Variants in MRPL1 observed in about 807,000 individuals in gnomAD.
The protein encoded by MRPL1 is mitochondrial ribosomal protein L1, also known as large ribosomal subunit protein uL1m.
MRPL1 carries 28 observed loss-of-function variants against 38.0 expected under a neutral mutation model. The observed-to-expected ratio is 0.74, with a 90% CI of 0.55 to 1.01. MRPL1 has a LOEUF of 1.01. Among genes scored for constraint, MRPL1 ranks in the 50% least tolerant of loss-of-function variants. The pLI, the probability that MRPL1 is intolerant of heterozygous loss-of-function variation, is 0.00. For synonymous variants in MRPL1, 123 were observed against 126.7 expected, an observed-to-expected ratio of 0.97 and a Z score of 0.20; for missense variants, 358 against 389.8, an observed-to-expected ratio of 0.92 and a Z score of 0.69.
intron 7 of MRPL1, among the ~76,000 whole-genome samples, chr4:77,913,839 G>C (rs973369848): frequency 4.6e-5 from 7 of 152,204 alleles, no homozygotes; most frequent in African/African-American, 1.7e-4. Flanking sequence ...TAATTTTGCT[G>C]AGTGAAAGAA....
chr4:77,940,799 T>C (rs1210849248), intron 7 of MRPL1, among the ~76,000 whole-genome samples: 1 of 152,240 alleles, frequency 6.6e-6, no homozygotes, highest in Non-Finnish European at 1.5e-5. Context: ...TCTATTGAAA[T>C]GATCATGTGA....
intron 6 of MRPL1, among the ~76,000 whole-genome samples, chr4:77,905,171 A>T (rs1006242516): frequency 1.2e-4 from 18 of 152,274 alleles, no homozygotes; most frequent in African/African-American, 4.3e-4. Flanking sequence ...TTTTTAAAAA[A>T]GGGGCAAAAT....
At chr4:77,926,020 A>G (rs1736705017) in intron 7 of MRPL1, among the ~76,000 whole-genome samples, 1 of 152,168 alleles carries the variant, frequency 6.6e-6, no homozygotes, top group African/African-American at 2.4e-5. Context: ...GAAAATTCCA[A>G]CTCTTAAATC....
chr4:77,930,181 C>G (rs546006193), intron 7 of MRPL1, among the ~76,000 whole-genome samples: 1 of 152,204 alleles, frequency 6.6e-6, no homozygotes, highest in Non-Finnish European at 1.5e-5. Flanking sequence ...CAGGAGAAAC[C>G]GTCCAGTTAT....
intron 1 of MRPL1, among the ~76,000 whole-genome samples, chr4:77,867,958 G>T (rs566553938): frequency 6.6e-6 from 1 of 151,402 alleles, no homozygotes; most frequent in East Asian, 2.0e-4. Flanking sequence ...GGGTTTCACC[G>T]TGTTAGCCAG....
At chr4:77,868,220 G>A (rs1735200112) in intron 1 of MRPL1, among the ~76,000 whole-genome samples, 1 of 151,476 alleles carries the variant, frequency 6.6e-6, no homozygotes, top group Non-Finnish European at 1.5e-5. Context: ...GTGTCACCAT[G>A]CCCAGCTAAC....
chr4:77,922,403 G>A (rs527875558), intron 7 of MRPL1, among the ~76,000 whole-genome samples: 4 of 152,174 alleles, frequency 2.6e-5, no homozygotes, highest in Non-Finnish European at 4.4e-5. Context: ...GTCATAGTAA[G>A]GCTACTGTCT....
intron 6 of MRPL1, chr4:77,907,277 C>T (rs1736178282): frequency 3.3e-6 from 2 of 611,706 alleles, no homozygotes; most frequent in Non-Finnish European, 4.1e-6. Flanking sequence ...ATGATAATGA[C>T]TAAATCTTAG....
intron 1 of MRPL1, among the ~76,000 whole-genome samples, chr4:77,866,166 C>T (rs192086352): frequency 6.2e-4 from 95 of 152,294 alleles, no homozygotes; most frequent in Admixed American, 5.4e-3. Context: ...ATTCTGTAGT[C>T]TCAGCCTCCC....
chr4:77,928,882 A>G (rs1215397495), intron 7 of MRPL1, among the ~76,000 whole-genome samples: 2 of 152,190 alleles, frequency 1.3e-5, no homozygotes, highest in East Asian at 3.8e-4. Context: ...AGTTTTGGAA[A>G]TTCAAAGTGT....
chr4:77,891,410 C>T (rs2110239359), intron 5 of MRPL1, among the ~76,000 whole-genome samples: 1 of 149,004 alleles, frequency 6.7e-6, no homozygotes, highest in South Asian at 2.1e-4. Context: ...GGCTGGAGTG[C>T]AGTGACGTGA....
chr4:77,948,609 G>C (rs1463467431), intron 7 of MRPL1, among the ~76,000 whole-genome samples: 1 of 152,132 alleles, frequency 6.6e-6, no homozygotes, highest in East Asian at 1.9e-4. Context: ...ATGATAAAAG[G>C]ATTTTTTAAG....
At chr4:77,935,492 C>G (rs1225460294) in intron 7 of MRPL1, among the ~76,000 whole-genome samples, 1 of 151,958 alleles carries the variant, frequency 6.6e-6, no homozygotes, top group Non-Finnish European at 1.5e-5. Flanking sequence ...CTCCCGGATT[C>G]AAGCAATTCT....
chr4:77,903,206 A>G (rs1189227492), intron 6 of MRPL1, among the ~76,000 whole-genome samples: 1 of 152,226 alleles, frequency 6.6e-6, no homozygotes, highest in Admixed American at 6.5e-5. Flanking sequence ...AATTGGCTTA[A>G]TATCTGAACA....
In MRPL1 at chr4:77,871,862, A is replaced by ATT; in HGVS notation, c.143+15_143+16dup. On this transcript the variant is annotated splice_region_variant and intron_variant, in intron 2 of 8. Coordinates refer to ENST00000315567, the MANE Select transcript of MRPL1 (RefSeq NM_020236.4). ...ATTTTGCTGCTGCTACAAAGTAAGT[A>ATT]TTTTTTTTTAGTTATTATTTCATTT... 6.6e-7 allele frequency: 1 copy of ATT among 1,518,012 alleles called. No homozygotes were observed. The highest frequency in any genetic ancestry group is 9.0e-7 in the Non-Finnish European group (1 of 1,110,722). The allele number at this position is 1,518,012 out of a possible 1,614,324, so 94.0% of individuals were successfully genotyped here.
intron 8 of MRPL1, 134 bp from the exon 9 acceptor site, chr4:77,952,355 C>T: frequency 1.4e-6 from 1 of 693,392 alleles, no homozygotes. Context: ...CAATTGGTTT[C>T]TTTATAAGTT....
chr4:77,893,400 G>T (rs1056326618), intron 5 of MRPL1, among the ~76,000 whole-genome samples: 2 of 152,110 alleles, frequency 1.3e-5, no homozygotes, highest in African/African-American at 4.8e-5. Context: ...TACAGGTGTG[G>T]AGTTTAAGTG....
chr4:77,925,677 G>C (rs1241703695), intron 7 of MRPL1, among the ~76,000 whole-genome samples: 1 of 150,106 alleles, frequency 6.7e-6, no homozygotes, highest in African/African-American at 2.4e-5. Context: ...TTTAAATGAT[G>C]AAAGAGTTTC....
At chr4:77,918,020 C>CA (rs1736460989) in intron 7 of MRPL1, among the ~76,000 whole-genome samples, 2 of 148,900 alleles carry the variant, frequency 1.3e-5, no homozygotes, top group Admixed American at 1.3e-4. Context: ...CGCCACTGCA[C>CA]TCCAGCCTGG....
Sources: gnomAD v4.1 joint callset for allele counts (sites outside exome capture counted in the v4.1 genomes callset) on GRCh38, gnomAD v4.1.1 for gene constraint, MANE v1.5 for transcripts, NCBI Gene and HGNC (gene_info 2026-07-23, HGNC 2026-07-21) for gene names.